SFSWAP: variants seen among roughly 807,000 people sequenced by gnomAD.
SFSWAP encodes the protein splicing factor, suppressor of white-apricot homolog.
In SFSWAP, 17 loss-of-function variants were observed where a neutral mutation model predicts 100.7. That is an observed-to-expected ratio of 0.17 (90% CI 0.12 to 0.25). The LOEUF is 0.25. Ranked by LOEUF, SFSWAP falls within the 10% of genes least tolerant of loss-of-function variation. The pLI is 1.00. For missense variants in SFSWAP, 1,005 were observed against 1,262.6 expected (o/e 0.80, Z 3.09); for synonymous variants, 504 against 510.1 (o/e 0.99, Z 0.16).
At chr12:131,799,341 C>A in intron 17 of SFSWAP, 82 bp from the exon 18 acceptor site, 1 of 1,438,332 alleles carries the variant, frequency 7.0e-7, no homozygotes, top group Non-Finnish European at 9.8e-7. Flanking sequence ...TCTTGACCAC[C>A]AACTCGTTGA....
At chr12:131,745,761 T>A (rs1379870545) in intron 7 of SFSWAP, among the ~76,000 whole-genome samples, 1 of 151,700 alleles carries the variant, frequency 6.6e-6, no homozygotes, top group African/African-American at 2.4e-5. Flanking sequence ...AGGCTTTTTT[T>A]TTTTTTGGCA....
chr12:131,735,022 C>G (rs1879870464), intron 7 of SFSWAP, among the ~76,000 whole-genome samples: 1 of 152,202 alleles, frequency 6.6e-6, no homozygotes, highest in Admixed American at 6.5e-5. Flanking sequence ...TGTTGCCACA[C>G]AGTCACAAAA....
intron 12 of SFSWAP, among the ~76,000 whole-genome samples, chr12:131,765,257 A>G (rs1883016966): frequency 6.6e-6 from 1 of 152,230 alleles, no homozygotes; most frequent in South Asian, 2.1e-4. Flanking sequence ...AAGCAGTCAA[A>G]TAATGGTTGC....
chr12:131,799,448 T>C lies in SFSWAP; in HGVS notation c.2816T>C (p.Met939Thr). 6.2e-7 allele frequency: 1 copy of C among 1,614,186 alleles called. No individual in the cohort carries two copies. Among genetic ancestry groups the C allele is most frequent in the Non-Finnish European group, 8.5e-7 (1 of 1,180,006 alleles). Residue 939 changes from methionine to threonine, a missense_variant, in exon 18 of 18, where the codon ATG becomes ACG. Coordinates refer to ENST00000261674, the MANE Select transcript of SFSWAP (RefSeq NM_004592.4). ...TQDLMAKVRA[M>T]LAASKNLQTS... The stretch of plus-strand genomic sequence containing the variant: ...GATCTCATGGCCAAAGTCAGAGCGA[T>C]GCTTGCAGCTTCCAAAAACCTGCAA...
In SFSWAP at chr12:131,714,546, G is replaced by C. The variant is rs537288721; in HGVS notation, c.389-276G>C. 9 of 482,668 alleles carry C rather than the reference G, an allele frequency of 1.9e-5. No individual in the cohort carries two copies. In the East Asian group the frequency reaches 2.8e-4, roughly 15 times the overall value. 29.9% of individuals were successfully genotyped at this position (482,668 alleles called of 1,614,324 possible). Reference sequence around the variant, plus strand: ...TAAAATTGATGTTCTTGTCTTTGCCGTAACAGTCTTTAATACAGTTCTTAA... The same window carrying C: ...TAAAATTGATGTTCTTGTCTTTGCCCTAACAGTCTTTAATACAGTTCTTAA... On this transcript the variant is annotated intron_variant, in intron 2 of 17. Transcript: ENST00000261674. The surrounding 1 kb of genome is among the most constrained non-coding windows in gnomAD (Gnocchi z 6.0).
In SFSWAP at chr12:131,713,995, C is replaced by T. The variant is rs1429854909; in HGVS notation, c.219-76C>T. 22 of 935,430 alleles carry T rather than the reference C, an allele frequency of 2.4e-5. No homozygotes were observed. The East Asian group carries it at 3.8e-4, about 16-fold the overall frequency. 57.9% of individuals were successfully genotyped at this position (935,430 alleles called of 1,614,324 possible). ...AAGTATGTGTGTGTATATATATATACATATATAAAACATCACACACGCACA... is the reference window on the plus strand; with the variant it reads ...AAGTATGTGTGTGTATATATATATATATATATAAAACATCACACACGCACA... On this transcript the variant is annotated intron_variant, in intron 1 of 17. Coordinates refer to ENST00000261674, the MANE Select transcript of SFSWAP (RefSeq NM_004592.4).
intron 13 of SFSWAP, among the ~76,000 whole-genome samples, chr12:131,775,961 G>C (rs1002744327): frequency 6.6e-6 from 1 of 151,530 alleles, no homozygotes; most frequent in Non-Finnish European, 1.5e-5. Context: ...AATTAGCTGA[G>C]CATGATGGCA....
At chr12:131,741,047 A>G (rs1280478113) in intron 7 of SFSWAP, among the ~76,000 whole-genome samples, 2 of 120,306 alleles carry the variant, frequency 1.7e-5, no homozygotes, top group Non-Finnish European at 3.1e-5. Flanking sequence ...ATCTCAGCTT[A>G]CTGCAACCTC....
chr12:131,746,974 G>C (rs1215271034), intron 7 of SFSWAP, among the ~76,000 whole-genome samples: 1 of 152,032 alleles, frequency 6.6e-6, no homozygotes, highest in South Asian at 2.1e-4. Flanking sequence ...TGTGGTGGCG[G>C]GTGCCTGTAG....
rs137930731 is a variant in SFSWAP, at chr12:131,740,598, CCTTT to C, written c.1081+12174_1081+12177del. ...GGACACAGTCTCTTGGTTCGGGTCA[CCTTT>C]CTTCGAGCCTGTGCTCCCTGTGTTT... On this transcript the variant is annotated intron_variant, in intron 7 of 17. Transcript: ENST00000261674. 2.0e-3 allele frequency among the ~76,000 whole-genome samples: 299 copies of C among 152,296 alleles called. 1 individual carries two copies. Among genetic ancestry groups the C allele is most frequent in the Non-Finnish European group, 3.0e-3 (207 of 68,022 alleles).
At chr12:131,760,494 A>G (rs764424380) in intron 11 of SFSWAP, among the ~76,000 whole-genome samples, 5 of 152,232 alleles carry the variant, frequency 3.3e-5, no homozygotes, top group East Asian at 3.8e-4. Context: ...AAAAGTAACA[A>G]TGAGACAGAG....
chr12:131,727,897 A>G (rs1192397485), intron 6 of SFSWAP, among the ~76,000 whole-genome samples: 1 of 152,220 alleles, frequency 6.6e-6, no homozygotes, highest in African/African-American at 2.4e-5. Flanking sequence ...GCAGTTGTGC[A>G]TTGTGGGTGA....
chr12:131,773,516 G>T (rs1883780699), intron 13 of SFSWAP, among the ~76,000 whole-genome samples: 1 of 151,970 alleles, frequency 6.6e-6, no homozygotes, highest in Non-Finnish European at 1.5e-5. Flanking sequence ...AAATTTTTTT[G>T]TATTTTTGGT....
At chr12:131,745,538 A>G (rs1881025314) in intron 7 of SFSWAP, among the ~76,000 whole-genome samples, 1 of 152,228 alleles carries the variant, frequency 6.6e-6, no homozygotes, top group South Asian at 2.1e-4. Context: ...AGTAATAAAA[A>G]CAATTATTCT....
intron 7 of SFSWAP, among the ~76,000 whole-genome samples, chr12:131,748,728 A>T (rs1474795162): frequency 6.6e-6 from 1 of 152,234 alleles, no homozygotes; most frequent in Non-Finnish European, 1.5e-5. Flanking sequence ...CAGAGGAGGC[A>T]GTATTGGAGA....
At chr12:131,740,789 C>A (rs1880526372) in intron 7 of SFSWAP, among the ~76,000 whole-genome samples, 1 of 152,026 alleles carries the variant, frequency 6.6e-6, no homozygotes, top group Non-Finnish European at 1.5e-5. Flanking sequence ...CACAGCCTTT[C>A]TATATAAAGG....
chr12:131,725,389 G>A lies in SFSWAP; in HGVS notation c.607-16G>A, dbSNP rs200738132. 1.5e-5 allele frequency: 8 copies of A among 543,212 alleles called. No homozygotes were observed. Among genetic ancestry groups the A allele is most frequent in the Non-Finnish European group, 2.2e-5 (8 of 358,798 alleles). The allele number at this position is 543,212 out of a possible 1,614,324, so 33.6% of individuals were successfully genotyped here. A position where few individuals can be genotyped will look rare whatever the true frequency, so the allele number is the denominator to read the frequency against. ...GAGGACAAATGGGTGACGTGAATAT[G>A]TGTGTTTTCCCGTAGCCACCAACCG... is the stretch of plus-strand genomic sequence containing the variant. On this transcript the variant is annotated splice_polypyrimidine_tract_variant and intron_variant, in intron 4 of 17. Transcript: ENST00000261674. The surrounding 1 kb of genome is among the most constrained non-coding windows in gnomAD (Gnocchi z 4.3).
rs1471045842 is a variant in SFSWAP, at chr12:131,754,354, C to T, written c.1323-14C>T. On this transcript the variant is annotated splice_polypyrimidine_tract_variant and intron_variant, in intron 8 of 17. Transcript: ENST00000261674. ...CCCTGAAGCCCAGGGGTCTCACAGA[C>T]TCTTCTCCTGCAGTGCACTTGCCCC... The T allele has an allele frequency of 7.9e-6, 12 of 1,526,542 alleles. No individual in the cohort carries two copies. In the South Asian group the frequency reaches 1.5e-4, roughly 20 times the overall value. 94.6% of individuals were successfully genotyped at this position (1,526,542 alleles called of 1,614,324 possible). A position where few individuals can be genotyped will look rare whatever the true frequency, so the allele number is the denominator to read the frequency against.
Position 131,799,648 on chromosome 12 carries a change from C to A in SFSWAP, c.*160C>A. ...TTTGAGTTTTAAGATTTCTGACCAGCAGTCTCTTACCTGTATATTTGTAAA... is the reference window on the plus strand; with the variant it reads ...TTTGAGTTTTAAGATTTCTGACCAGAAGTCTCTTACCTGTATATTTGTAAA... On this transcript the variant is annotated 3_prime_UTR_variant, in exon 18 of 18. Transcript: ENST00000261674. 1 of 612,752 alleles carries A rather than the reference C, an allele frequency of 1.6e-6. No individual in the cohort carries two copies. Among genetic ancestry groups the A allele is most frequent in the Non-Finnish European group, 2.9e-6 (1 of 346,212 alleles). 38.0% of individuals were successfully genotyped at this position (612,752 alleles called of 1,614,324 possible). A position where few individuals can be genotyped will look rare whatever the true frequency, so the allele number is the denominator to read the frequency against.
Sources: allele counts gnomAD v4.1 joint callset (sites outside exome capture counted in the v4.1 genomes callset), GRCh38; gene constraint gnomAD v4.1.1; non-coding constraint Gnocchi (gnomAD v3.1); transcripts MANE v1.5; gene names NCBI Gene and HGNC (gene_info 2026-07-23, HGNC 2026-07-21).